LHFPL5: variants seen among roughly 807,000 people sequenced by gnomAD.
LHFPL5 encodes the protein LHFPL tetraspan subfamily member 5.
In LHFPL5, 12 loss-of-function variants were observed where a neutral mutation model predicts 18.7. The observed-to-expected ratio is 0.64, with a 90% CI of 0.41 to 1.04. LHFPL5 has a LOEUF of 1.04. Among genes scored for constraint, LHFPL5 ranks in the 50% least tolerant of loss-of-function variants. The pLI is 0.00. For synonymous variants in LHFPL5, 111 were observed against 120.2 expected (o/e 0.92, Z 0.50); for missense variants, 259 against 292.1 (o/e 0.89, Z 0.83).
At chr6:35,808,313 A>G (rs1435562154) in intron 1 of LHFPL5, among the ~76,000 whole-genome samples, 1 of 146,562 alleles carries the variant, frequency 6.8e-6, no homozygotes, top group African/African-American at 2.5e-5. Flanking sequence ...ATATATATAT[A>G]TAAATTAAAA....
In LHFPL5 at chr6:35,814,088, C is replaced by G. The variant is rs570750211; in HGVS notation, c.413-458C>G. ...CTGGGATTACAGGTGTGAGCCACCA[C>G]CCCCAGGCTAGACACTTTCTTATTG... On this transcript the variant is annotated intron_variant, in intron 1 of 3. Coordinates refer to ENST00000360215, the MANE Select transcript of LHFPL5 (RefSeq NM_182548.4). This position sits in a 1 kb window ranked among gnomAD's most constrained non-coding sequence, Gnocchi z 4.2. 1.5e-3 allele frequency among the ~76,000 whole-genome samples: 224 copies of G among 152,308 alleles called. 1 individual carries two copies. Among genetic ancestry groups the G allele is most frequent in the African/African-American group, 5.2e-3 (217 of 41,566 alleles).
chr6:35,819,497 C>A (rs768382431), intron 3 of LHFPL5, 34 bp downstream of exon 3: 1 of 1,604,568 alleles, frequency 6.2e-7, no homozygotes, highest in East Asian at 2.2e-5. Context: ...GTCTGCGTGC[C>A]CTTAGAAAGG....
At chr6:35,810,286 G>A (rs372360007) in intron 1 of LHFPL5, among the ~76,000 whole-genome samples, 26 of 152,156 alleles carry the variant, frequency 1.7e-4, no homozygotes, top group Admixed American at 3.9e-4. Flanking sequence ...AGGAAATCTG[G>A]GAGGAACAAA....
In LHFPL5 at chr6:35,814,738, G is replaced by T. The variant is rs781647481; in HGVS notation, c.605G>T (p.Arg202Leu). ...TTCCTGGCCTTCGTGTTGGGCTACC[G>T]GCAGGACAAGCTCCTCCCTGACGAC... ...LSFLAFVLGY[R>L]QDKLLPDDYK... The change falls in exon 2 of 4, where the codon CGG becomes CTG. Residue 202 changes from arginine (R) to leucine (L), a missense_variant. Arg to Leu is a moderately radical substitution (Grantham distance 102). Coordinates refer to ENST00000360215, the MANE Select transcript of LHFPL5 (RefSeq NM_182548.4). This position sits in a 1 kb window ranked among gnomAD's most constrained non-coding sequence, Gnocchi z 4.2. 1 of 1,614,084 alleles carries T rather than the reference G, an allele frequency of 6.2e-7. No individual in the cohort carries two copies. Among genetic ancestry groups the T allele is most frequent in the Admixed American group, 1.7e-5 (1 of 60,014 alleles).
chr6:35,818,628 G>A (rs1330883936), intron 2 of LHFPL5, among the ~76,000 whole-genome samples: 3 of 151,450 alleles, frequency 2.0e-5, no homozygotes, highest in Non-Finnish European at 2.9e-5. Context: ...GGGATTATAG[G>A]TGTGAGCCAC....
In LHFPL5 at chr6:35,823,402, CACACACACACACACACACACACAT is replaced by C. The variant is rs1561957712; in HGVS notation, c.*441_*464del. On this transcript the variant is annotated 3_prime_UTR_variant, in exon 4 of 4. Transcript: ENST00000360215. ...ACACATATATATACACACACACACA[CACACACACACACACACACACACAT>C]ACATACACACACACATATATATACA... 1.4e-5 allele frequency: 2 copies of C among 145,252 alleles called. No individual in the cohort carries two copies. Among genetic ancestry groups the C allele is most frequent in the African/African-American group, 5.5e-5 (2 of 36,220 alleles). The allele number at this position is 145,252 out of a possible 1,614,324, so 9.0% of individuals were successfully genotyped here.
Position 35,805,945 on chromosome 6 carries a change from G to C in LHFPL5, c.275G>C (p.Arg92Thr). 6.2e-7 allele frequency: 1 copy of C among 1,614,160 alleles called. No individual in the cohort carries two copies. The highest frequency in any genetic ancestry group is 2.2e-5 in the East Asian group (1 of 44,888). ...GPLDFSSIPS[R>T]AFKTAMFFVA... ...CTAGACTTCTCCTCCATCCCCTCTA[G>C]AGCCTTCAAGACTGCCATGTTCTTT... Residue 92 changes from arginine (R) to threonine (T), a missense_variant, in exon 1 of 4, where the codon AGA becomes ACA. Coordinates refer to ENST00000360215, the MANE Select transcript of LHFPL5 (RefSeq NM_182548.4). The surrounding 1 kb of genome is among the most constrained non-coding windows in gnomAD (Gnocchi z 4.3).
chr6:35,816,353 AAAAAAAAAG>A (rs1196617240), intron 2 of LHFPL5, among the ~76,000 whole-genome samples: 2 of 150,782 alleles, frequency 1.3e-5, no homozygotes, highest in African/African-American at 2.4e-5. Context: ...CTCAAAAAAA[AAAAAAAAAG>A]AAAAAAAAAG....
At position 35,812,911 on chromosome 6, in the gene LHFPL5, C is replaced by T. The variant is rs571748674; in HGVS notation, c.413-1635C>T. ...CTCTATGAAAAATACAAAAATTAGCCGGGCATGGTGGTACATGCCTGTAAT... is the reference window on the plus strand; with the variant it reads ...CTCTATGAAAAATACAAAAATTAGCTGGGCATGGTGGTACATGCCTGTAAT... On this transcript the variant is annotated intron_variant, in intron 1 of 3. Coordinates refer to ENST00000360215, the MANE Select transcript of LHFPL5 (RefSeq NM_182548.4). Among the ~76,000 whole-genome samples, 14 of 152,126 alleles carry T rather than the reference C, an allele frequency of 9.2e-5. No individual in the cohort carries two copies. The South Asian group carries it at 1.2e-3, about 14-fold the overall frequency.
At chr6:35,808,564 CATATATATATATATATATATATAT>C (rs56343421) in intron 1 of LHFPL5, among the ~76,000 whole-genome samples, 2,945 of 87,274 alleles carry the variant, frequency 0.034, 75 homozygotes, top group Middle Eastern at 0.068. Context: ...TCATTTTATA[CATATATATATATATATATATATAT>C]ATATATATAT....
chr6:35,807,667 C>G (rs1561951454), intron 1 of LHFPL5, among the ~76,000 whole-genome samples: 1 of 152,088 alleles, frequency 6.6e-6, no homozygotes, highest in Non-Finnish European at 1.5e-5. Flanking sequence ...GGAGGGGACC[C>G]CAGAGAGCTA....
Position 35,815,750 on chromosome 6 carries a change from G to A in LHFPL5, c.649+968G>A, listed in dbSNP as rs558306622. Among the ~76,000 whole-genome samples the A allele has an allele frequency of 7.3e-4, 111 of 152,314 alleles. 1 individual carries two copies. The highest frequency in any genetic ancestry group is 5.9e-5 in the Non-Finnish European group (4 of 68,034). On this transcript the variant is annotated intron_variant, in intron 2 of 3. Coordinates refer to ENST00000360215, the MANE Select transcript of LHFPL5 (RefSeq NM_182548.4). ...ACTCAGAAGTTCCCAGAAAGGCAGT[G>A]GCAAAGAAGCCCAGAACTCAGGTCC...
chr6:35,819,053 G>A (rs1372346191), intron 2 of LHFPL5, among the ~76,000 whole-genome samples: 1 of 151,818 alleles, frequency 6.6e-6, no homozygotes, highest in Admixed American at 6.6e-5. Context: ...GACTGGTCTC[G>A]AACTCCTGGC....
intron 1 of LHFPL5, among the ~76,000 whole-genome samples, chr6:35,812,099 G>C (rs193001733): frequency 3.9e-5 from 6 of 152,296 alleles, no homozygotes; most frequent in African/African-American, 1.4e-4. Flanking sequence ...TCACAGAAAG[G>C]TGATCACAGT....
chr6:35,810,197 G>A (rs776022767), intron 1 of LHFPL5, among the ~76,000 whole-genome samples: 8 of 152,072 alleles, frequency 5.3e-5, no homozygotes, highest in Non-Finnish European at 1.2e-4. Context: ...TTCGTGGAGG[G>A]CCCTACCCTC....
chr6:35,816,345 C>CAA (rs761580974), intron 2 of LHFPL5, among the ~76,000 whole-genome samples: 1,092 of 77,398 alleles, frequency 0.014, 31 homozygotes, highest in African/African-American at 0.043. Flanking sequence ...GACTCCGTCT[C>CAA]AAAAAAAAAA....
chr6:35,822,712 C>A (rs1768888480), intron 3 of LHFPL5, among the ~76,000 whole-genome samples: 1 of 152,030 alleles, frequency 6.6e-6, no homozygotes, highest in East Asian at 1.9e-4. Flanking sequence ...TGGTGTTGAT[C>A]TCCTGATCTC....
At chr6:35,808,784 G>A (rs946716983) in intron 1 of LHFPL5, among the ~76,000 whole-genome samples, 1 of 151,660 alleles carries the variant, frequency 6.6e-6, no homozygotes, top group African/African-American at 2.4e-5. Context: ...CCCAACAGGT[G>A]CCATGTGTGA....
chr6:35,820,112 T>C (rs576853130), intron 3 of LHFPL5, among the ~76,000 whole-genome samples: 10 of 152,164 alleles, frequency 6.6e-5, no homozygotes, highest in Admixed American at 2.6e-4. Flanking sequence ...TGGACCCTTA[T>C]TTTCAGAAAG....
Sources: allele counts gnomAD v4.1 joint callset (sites outside exome capture counted in the v4.1 genomes callset), GRCh38; gene constraint gnomAD v4.1.1; non-coding constraint Gnocchi (gnomAD v3.1); transcripts MANE v1.5; gene names NCBI Gene and HGNC (gene_info 2026-07-23, HGNC 2026-07-21).